The following ASXL2 variants were observed in gnomAD, a reference collection of about 807,000 sequenced individuals.
ASXL2 encodes putative Polycomb group protein ASXL2.
A neutral mutation model predicts 122.0 loss-of-function variants in ASXL2; 23 were observed. That is an observed-to-expected ratio of 0.19 (90% CI 0.14 to 0.27). The LOEUF (loss-of-function observed/expected upper bound fraction) is 0.27, where lower values mean the gene tolerates loss of function less well. Among genes scored for constraint, ASXL2 ranks in the 10% least tolerant of loss-of-function variants. The pLI is 1.00. For synonymous variants in ASXL2, 650 were observed against 637.0 expected (o/e 1.02, Z -0.31); for missense variants, 1,518 against 1,713.8 (o/e 0.89, Z 2.02).
At chr2:25,751,814 C>T (rs968294594) in intron 11 of ASXL2, among the ~76,000 whole-genome samples, 2 of 151,702 alleles carry the variant, frequency 1.3e-5, no homozygotes, top group Non-Finnish European at 2.9e-5. Context: ...CAAGGTCTCA[C>T]TTCGTCGCCC....
At chr2:25,782,069 G>A (rs1221370189) in intron 5 of ASXL2, among the ~76,000 whole-genome samples, 2 of 148,272 alleles carry the variant, frequency 1.3e-5, no homozygotes, top group African/African-American at 5.0e-5. Context: ...CCCTCCCGAA[G>A]TGCTGGGACT....
Position 25,744,209 on chromosome 2 carries a change from C to T in ASXL2, c.2128G>A (p.Ala710Thr). ...TCTGAGCCTGGACTGCCTCCTCTAG[C>T]AGTCTGCCCTTCACCACCCTCTCCT... ...GPGEGGEGQT[A>T]RGGSPGSDRV... The change falls in exon 13 of 13, where the codon GCT (alanine) becomes ACT (threonine). Residue 710 changes from alanine (A) to threonine (T), a missense_variant. Around this residue, in one of 8 missense-constraint regions of ASXL2, gnomAD observed 48 missense variants for 82.1 expected, o/e 0.58. Coordinates refer to ENST00000435504, the MANE Select transcript of ASXL2 (RefSeq NM_018263.6). This position sits in a 1 kb window ranked among gnomAD's most constrained non-coding sequence, Gnocchi z 4.7. 6.2e-7 allele frequency: 1 copy of T among 1,614,026 alleles called. No homozygotes were observed. Among genetic ancestry groups the T allele is most frequent in the Non-Finnish European group, 8.5e-7 (1 of 1,179,896 alleles).
At chr2:25,814,107 C>G (rs1194367037) in intron 3 of ASXL2, among the ~76,000 whole-genome samples, 2 of 151,930 alleles carry the variant, frequency 1.3e-5, no homozygotes, top group Admixed American at 6.6e-5. Flanking sequence ...ATTTTCCTTG[C>G]AAATCTGGAT....
At chr2:25,832,315 T>C (rs950795567) in intron 3 of ASXL2, among the ~76,000 whole-genome samples, 7 of 152,224 alleles carry the variant, frequency 4.6e-5, no homozygotes, top group African/African-American at 1.7e-4. Flanking sequence ...AAATCACGTG[T>C]ATATATTGTA....
chr2:25,741,421 G>A lies in ASXL2; in HGVS notation c.*608C>T, dbSNP rs17047139. On this transcript the variant is annotated 3_prime_UTR_variant, in exon 13 of 13. Coordinates refer to ENST00000435504, the MANE Select transcript of ASXL2 (RefSeq NM_018263.6). ...AACCAAGTCAGGGCTTTCAGAGTCT[G>A]AAACACTACCTGTGAAATGAATTCC... The A allele has an allele frequency of 6.1e-3, 1,397 of 228,580 alleles. 13 individuals are homozygous for A. The highest frequency in any genetic ancestry group is 0.03 in the African/African-American group (1,341 of 45,124). 14.2% of individuals were successfully genotyped at this position (228,580 alleles called of 1,614,324 possible). A position where few individuals can be genotyped will look rare whatever the true frequency, so the allele number is the denominator to read the frequency against.
intron 1 of ASXL2, among the ~76,000 whole-genome samples, chr2:25,847,192 T>C (rs1036533402): frequency 1.3e-5 from 2 of 152,328 alleles, no homozygotes; most frequent in Admixed American, 1.3e-4. Flanking sequence ...TGTCCAGTGT[T>C]TGTAACTACT....
intron 5 of ASXL2, among the ~76,000 whole-genome samples, chr2:25,787,551 G>A (rs934370664): frequency 6.6e-6 from 1 of 152,028 alleles, no homozygotes; most frequent in Admixed American, 6.6e-5. Flanking sequence ...TACAAATCAG[G>A]TAAAATCCTA....
chr2:25,742,012 ATC>A lies in ASXL2; in HGVS notation c.*15_*16del, dbSNP rs1243558528. 1.9e-6 allele frequency: 3 copies of A among 1,600,116 alleles called. No homozygotes were observed. The highest frequency in any genetic ancestry group is 1.7e-5 in the Admixed American group (1 of 59,454). Reference sequence around the variant, plus strand: ...TTCCCTTCCCCCTCCTTTACAGTGTATCTCTTTCTAGTCTCATTACCGAACGA... The same window carrying A: ...TTCCCTTCCCCCTCCTTTACAGTGTATCTTTCTAGTCTCATTACCGAACGA... On this transcript the variant is annotated 3_prime_UTR_variant, in exon 13 of 13. Coordinates refer to ENST00000435504, the MANE Select transcript of ASXL2 (RefSeq NM_018263.6).
At chr2:25,790,798 GTCT>G (rs1434771033) in intron 5 of ASXL2, among the ~76,000 whole-genome samples, 7 of 118,204 alleles carry the variant, frequency 5.9e-5, no homozygotes, top group African/African-American at 1.8e-4. Flanking sequence ...ACAGTTTTTT[GTCT>G]TTTTTTTTTT....
At position 25,792,664 on chromosome 2, in the gene ASXL2, G is replaced by A. The variant is rs145521818; in HGVS notation, c.403+6721C>T. Among the ~76,000 whole-genome samples the A allele has an allele frequency of 4.9e-3, 750 of 151,784 alleles. 5 individuals carry two copies. The highest frequency in any genetic ancestry group is 0.017 in the African/African-American group (696 of 41,422). On this transcript the variant is annotated intron_variant, in intron 5 of 12. Coordinates refer to ENST00000435504, the MANE Select transcript of ASXL2 (RefSeq NM_018263.6). ...GTCGCCCAGGCTAGAGTGGAGTGGC[G>A]TGATCTTGGCTCACTGCAGCCTCCG...
chr2:25,845,972 G>A (rs1382967123), intron 1 of ASXL2, among the ~76,000 whole-genome samples: 1 of 152,182 alleles, frequency 6.6e-6, no homozygotes, highest in Non-Finnish European at 1.5e-5. Flanking sequence ...GCAGCTATTT[G>A]AGGACTCCGA....
intron 3 of ASXL2, among the ~76,000 whole-genome samples, chr2:25,833,953 G>A (rs762153240): frequency 2.6e-5 from 4 of 152,238 alleles, no homozygotes; most frequent in Admixed American, 1.3e-4. Context: ...TTCAGAGCCC[G>A]TTTCTTGCCT....
At chr2:25,793,041 C>A (rs2088859307) in intron 5 of ASXL2, among the ~76,000 whole-genome samples, 1 of 151,766 alleles carries the variant, frequency 6.6e-6, no homozygotes, top group South Asian at 2.1e-4. Context: ...TCACTTGAGG[C>A]CAGGAGTTTG....
At chr2:25,797,384 G>A (rs1267860706) in intron 5 of ASXL2, among the ~76,000 whole-genome samples, 1 of 152,218 alleles carries the variant, frequency 6.6e-6, no homozygotes, top group African/African-American at 2.4e-5. Context: ...GGCGGAGGTT[G>A]CAGTGAGCCG....
chr2:25,877,997 C>G (rs1234463840), intron 1 of ASXL2, among the ~76,000 whole-genome samples, 169 bp downstream of exon 1: 2 of 152,228 alleles, frequency 1.3e-5, no homozygotes, highest in Non-Finnish European at 2.9e-5. Context: ...CCGCCGGGCG[C>G]CTCCATTCCC....
intron 1 of ASXL2, among the ~76,000 whole-genome samples, chr2:25,875,125 G>T (rs1285546531): frequency 6.6e-6 from 1 of 152,118 alleles, no homozygotes; most frequent in Non-Finnish European, 1.5e-5. Flanking sequence ...CTAAATACTA[G>T]AATGCTTTTT....
chr2:25,832,506 A>G (rs1316149084), intron 3 of ASXL2, among the ~76,000 whole-genome samples: 1 of 152,230 alleles, frequency 6.6e-6, no homozygotes, highest in South Asian at 2.1e-4. Context: ...TCACCTATCA[A>G]CAATTACTTT....
At chr2:25,790,844 C>T (rs573465341) in intron 5 of ASXL2, among the ~76,000 whole-genome samples, 6 of 134,790 alleles carry the variant, frequency 4.5e-5, no homozygotes, top group South Asian at 5.0e-4. Flanking sequence ...CTCTCTGTCA[C>T]TCAGGCTGGA....
intron 5 of ASXL2, among the ~76,000 whole-genome samples, chr2:25,783,448 T>C (rs1421384758): frequency 2.0e-5 from 3 of 152,064 alleles, no homozygotes; most frequent in Non-Finnish European, 1.5e-5. Flanking sequence ...ATTATATTGA[T>C]TCATTTAAAA....
Sources: allele counts gnomAD v4.1 joint callset (sites outside exome capture counted in the v4.1 genomes callset), GRCh38; gene constraint gnomAD v4.1.1; regional missense constraint gnomAD v4.1.1; non-coding constraint Gnocchi (gnomAD v3.1); transcripts MANE v1.5; gene names NCBI Gene and HGNC (gene_info 2026-07-23, HGNC 2026-07-21).